The following RYR2 variants were observed in gnomAD, a reference collection of about 807,000 sequenced individuals.
RYR2 encodes cardiac muscle ryanodine receptor-calcium release channel.
RYR2 carries 227 observed loss-of-function variants against 601.1 expected under a neutral mutation model. The observed-to-expected ratio is 0.38, with a 90% CI of 0.34 to 0.42. The LOEUF (loss-of-function observed/expected upper bound fraction) is 0.42. Ranked by LOEUF, RYR2 falls within the 10% of genes least tolerant of loss-of-function variation. The pLI is 1.00. For synonymous variants in RYR2, 2,223 were observed against 2,175.1 expected, an observed-to-expected ratio of 1.02 and a Z score of -0.61; for missense variants, 4,646 against 6,156.5, an observed-to-expected ratio of 0.75 and a Z score of 8.21.
chr1:237,120,464 G>C (rs1413684936), intron 1 of RYR2, among the ~76,000 whole-genome samples: 1 of 152,196 alleles, frequency 6.6e-6, no homozygotes, highest in African/African-American at 2.4e-5. Flanking sequence ...TGCCTGGGAA[G>C]TATTTAATAG....
intron 91 of RYR2, 130 bp downstream of exon 91, chr1:237,786,166 A>G (rs970202276): frequency 2.9e-5 from 19 of 647,996 alleles, no homozygotes; most frequent in Admixed American, 2.2e-4. Context: ...TAATTGTGCC[A>G]TCTCCGTGGA....
At chr1:237,328,344 A>G (rs1361213947) in intron 2 of RYR2, among the ~76,000 whole-genome samples, 1 of 152,226 alleles carries the variant, frequency 6.6e-6, no homozygotes, top group East Asian at 1.9e-4. Context: ...AACTTTAAAA[A>G]TGAAATTTAA....
intron 10 of RYR2, among the ~76,000 whole-genome samples, chr1:237,394,141 T>C (rs1702621634): frequency 6.6e-6 from 1 of 152,244 alleles, no homozygotes. Context: ...AAGCAATATC[T>C]TTCAGAAGAA....
chr1:237,791,558 A>T (rs750171791), intron 93 of RYR2, 43 bp downstream of exon 93: 2 of 942,828 alleles, frequency 2.1e-6, no homozygotes, highest in Non-Finnish European at 3.4e-6. Context: ...TAAAACTCCA[A>T]ATAGAAATGA....
At chr1:237,082,867 C>T (rs1202208545) in intron 1 of RYR2, among the ~76,000 whole-genome samples, 3 of 152,058 alleles carry the variant, frequency 2.0e-5, no homozygotes, top group Non-Finnish European at 4.4e-5. Flanking sequence ...ATTATATCGC[C>T]TTGCTATTCT....
intron 100 of RYR2, among the ~76,000 whole-genome samples, chr1:237,812,028 T>C (rs1661309288): frequency 6.6e-6 from 1 of 152,222 alleles, no homozygotes; most frequent in South Asian, 2.1e-4. Flanking sequence ...TGGCTATAAA[T>C]GCTATTGTCC....
intron 32 of RYR2, 67 bp from the exon 33 acceptor site, chr1:237,593,409 A>T (rs1447165617): frequency 2.7e-6 from 4 of 1,484,082 alleles, no homozygotes; most frequent in Non-Finnish European, 3.6e-6. Flanking sequence ...CACAGTTAGG[A>T]TTGCAAATCC....
At chr1:237,149,779 A>G (rs2148808244) in intron 1 of RYR2, among the ~76,000 whole-genome samples, 1 of 151,540 alleles carries the variant, frequency 6.6e-6, no homozygotes, top group East Asian at 1.9e-4. Flanking sequence ...CCTTGTTTTC[A>G]TGTGAAATGA....
At chr1:237,289,131 G>T (rs939830892) in intron 2 of RYR2, among the ~76,000 whole-genome samples, 145 of 152,268 alleles carry the variant, frequency 9.5e-4, no homozygotes, top group African/African-American at 3.1e-3. Flanking sequence ...TACTTCCATG[G>T]TTGGGGCACT....
intron 1 of RYR2, among the ~76,000 whole-genome samples, chr1:237,224,455 G>A (rs543824944): frequency 3.6e-4 from 55 of 152,278 alleles, no homozygotes; most frequent in African/African-American, 1.2e-3. Context: ...CCCCCATGTC[G>A]TTCAAAGGTC....
chr1:237,674,240 A>G, intron 59 of RYR2, 21 bp downstream of exon 59: 1 of 1,581,288 alleles, frequency 6.3e-7, no homozygotes, highest in Non-Finnish European at 8.7e-7. Context: ...ACATACCCTA[A>G]GTACACACTC....
chr1:237,589,667 C>T, intron 29 of RYR2, 126 bp from the exon 30 acceptor site: 1 of 759,942 alleles, frequency 1.3e-6, no homozygotes, highest in Admixed American at 2.5e-5. Flanking sequence ...CTTTATTACA[C>T]TACTTTTTTC....
chr1:237,806,091 C>G (rs557286948), intron 98 of RYR2, 46 bp from the exon 99 acceptor site: 74 of 1,553,364 alleles, frequency 4.8e-5, no homozygotes, highest in Non-Finnish European at 6.3e-5. Context: ...AATAGTCATG[C>G]GTTCTGTTTT....
At chr1:237,755,032 A>G in intron 80 of RYR2, 1 of 1,278,912 alleles carries the variant, frequency 7.8e-7, no homozygotes, top group South Asian at 1.3e-5. Context: ...GTGTGACAAA[A>G]AAAACCCTGA....
At chr1:237,324,247 A>G (rs1695928251) in intron 2 of RYR2, among the ~76,000 whole-genome samples, 1 of 152,200 alleles carries the variant, frequency 6.6e-6, no homozygotes, top group Admixed American at 6.5e-5. Flanking sequence ...TTTAAAGGAT[A>G]TTATTCCCCA....
At chr1:237,375,740 C>T (rs1471384969) in intron 7 of RYR2, among the ~76,000 whole-genome samples, 1 of 152,088 alleles carries the variant, frequency 6.6e-6, no homozygotes. Flanking sequence ...TCTATCATTC[C>T]TCTGTATTTT....
intron 1 of RYR2, among the ~76,000 whole-genome samples, chr1:237,257,036 G>C (rs571748255): frequency 2.6e-5 from 4 of 151,988 alleles, no homozygotes; most frequent in South Asian, 2.1e-4. Context: ...CACTATTCAG[G>C]GTGCATACGA....
chr1:237,545,523 G>A (rs1365244241), intron 25 of RYR2, among the ~76,000 whole-genome samples: 1 of 152,136 alleles, frequency 6.6e-6, no homozygotes. Context: ...TGGGATCAAG[G>A]CTGCTGAAAA....
intron 12 of RYR2, among the ~76,000 whole-genome samples, chr1:237,428,711 A>G (rs1287404418): frequency 6.6e-6 from 1 of 151,662 alleles, no homozygotes; most frequent in Non-Finnish European, 1.5e-5. Flanking sequence ...GCACACTTAT[A>G]CCTATGTAAC....
Sources: gnomAD v4.1 joint callset for allele counts (sites outside exome capture counted in the v4.1 genomes callset) on GRCh38, gnomAD v4.1.1 for gene constraint, MANE v1.5 for transcripts, NCBI Gene and HGNC (gene_info 2026-07-23, HGNC 2026-07-21) for gene names.